Variants in ABCG8 observed in about 807,000 individuals in gnomAD.
ABCG8 encodes the protein ATP-binding cassette sub-family G member 8.
ABCG8 carries 81 observed loss-of-function variants against 71.3 expected under a neutral mutation model. The observed-to-expected ratio is 1.14, with a 90% CI of 0.95 to 1.37. The LOEUF (loss-of-function observed/expected upper bound fraction) is 1.37, where lower values mean the gene tolerates loss of function less well. Among genes scored for constraint, ABCG8 ranks in the 40% most tolerant of loss-of-function variants. ABCG8 has a pLI of 0.00. For synonymous variants in ABCG8, 451 were observed against 354.7 expected (o/e 1.27, Z -3.05); for missense variants, 1,119 against 866.2 (o/e 1.29, Z -3.66).
intron 8 of ABCG8, among the ~76,000 whole-genome samples, chr2:43,872,695 C>T (rs1348260477): frequency 2.0e-5 from 3 of 152,142 alleles, no homozygotes; most frequent in Non-Finnish European, 4.4e-5. Context: ...GGCAGCAGAG[C>T]AAGACCCCAT....
intron 6 of ABCG8, among the ~76,000 whole-genome samples, chr2:43,854,434 C>G (rs902632859): frequency 2.0e-5 from 3 of 152,000 alleles, no homozygotes; most frequent in African/African-American, 7.2e-5. Flanking sequence ...TTGAGACCAG[C>G]CTGGCCAACA....
intron 11 of ABCG8, 77 bp downstream of exon 11, chr2:43,875,490 A>T: frequency 2.6e-6 from 4 of 1,540,420 alleles, no homozygotes; most frequent in Non-Finnish European, 3.5e-6. Context: ...TCATCTGGAG[A>T]TGGACACTTA....
At chr2:43,853,663 C>G (rs926674636) in intron 6 of ABCG8, among the ~76,000 whole-genome samples, 9 of 152,236 alleles carry the variant, frequency 5.9e-5, no homozygotes, top group African/African-American at 1.9e-4. Flanking sequence ...CCCAAACATG[C>G]CAGGCTCAAA....
intron 10 of ABCG8, among the ~76,000 whole-genome samples, chr2:43,874,929 G>A (rs757225921): frequency 1.3e-5 from 2 of 152,090 alleles, no homozygotes; most frequent in Non-Finnish European, 2.9e-5. Context: ...TGCCCTGGGG[G>A]AAACAGGCTG....
intron 6 of ABCG8, among the ~76,000 whole-genome samples, chr2:43,855,305 G>T (rs986367750): frequency 6.6e-6 from 1 of 152,120 alleles, no homozygotes; most frequent in African/African-American, 2.4e-5. Flanking sequence ...TATCGAGATA[G>T]AATACTCACT....
intron 6 of ABCG8, among the ~76,000 whole-genome samples, chr2:43,857,816 C>T (rs982037168): frequency 6.6e-6 from 1 of 151,596 alleles, no homozygotes; most frequent in African/African-American, 2.4e-5. Context: ...CTCTCACTAC[C>T]TGTCTAGATA....
rs201659189 is a variant in ABCG8, at chr2:43,873,831, T to A, written c.1256T>A (p.Ile419Asn). 4.5e-5 allele frequency: 73 copies of A among 1,614,176 alleles called. 1 individual carries two copies. The East Asian group carries it at 1.4e-3, about 32-fold the overall frequency. The change falls in exon 9 of 13, where the codon ATC becomes AAC. Residue 419 changes from isoleucine (I) to asparagine (N), a missense_variant. Physicochemically the swap from Ile to Asn is moderately radical, Grantham distance 149. Transcript: ENST00000272286. ...NDFRDLPTLLIHGAEACLMSM... is the reference protein window; with the variant it reads ...NDFRDLPTLLNHGAEACLMSM... Reference sequence around the variant, plus strand: ...TTCCGAGACCTGCCCACCCTCCTCATCCATGGGGCGGAGGCCTGTCTGATG... The same window carrying A: ...TTCCGAGACCTGCCCACCCTCCTCAACCATGGGGCGGAGGCCTGTCTGATG...
At chr2:43,843,470 C>G (rs1430232712) in intron 1 of ABCG8, among the ~76,000 whole-genome samples, 1 of 152,148 alleles carries the variant, frequency 6.6e-6, no homozygotes, top group Non-Finnish European at 1.5e-5. Flanking sequence ...GGGTGGATCA[C>G]TTGAGCCCAG....
intron 1 of ABCG8, among the ~76,000 whole-genome samples, 164 bp from the exon 2 acceptor site, chr2:43,844,343 C>T (rs1187237375): frequency 2.6e-5 from 4 of 152,162 alleles, no homozygotes; most frequent in African/African-American, 9.7e-5. Flanking sequence ...CTCCTATTTT[C>T]CCAAAGCCCT....
chr2:43,846,458 C>G (rs1027411165), intron 3 of ABCG8, 147 bp downstream of exon 3: 9 of 1,188,750 alleles, frequency 7.6e-6, no homozygotes, highest in Non-Finnish European at 1.1e-5. Context: ...CTGGGTCAGA[C>G]AGACCTGGGC....
At chr2:43,852,309 G>C in intron 4 of ABCG8, 45 bp from the exon 5 acceptor site, 1 of 1,611,462 alleles carries the variant, frequency 6.2e-7, no homozygotes, top group South Asian at 1.1e-5. Flanking sequence ...GTCCAGCCCT[G>C]AAGGAGGCCC....
rs905728574 is a variant in ABCG8, at chr2:43,878,226, G to A, written c.*313G>A. The A allele has an allele frequency of 2.0e-5, 8 of 397,312 alleles. No individual in the cohort carries two copies. Among genetic ancestry groups the A allele is most frequent in the Non-Finnish European group, 3.8e-5 (8 of 207,820 alleles). 24.6% of individuals were successfully genotyped at this position (397,312 alleles called of 1,614,324 possible). ...TATATAGGCAACTCGATATAGGATG[G>A]GAGCAAACTAGGAATGAATTGGGTA... On this transcript the variant is annotated 3_prime_UTR_variant, in exon 13 of 13. Coordinates refer to ENST00000272286, the MANE Select transcript of ABCG8 (RefSeq NM_022437.3).
chr2:43,849,551 G>A (rs1668848460), intron 3 of ABCG8, among the ~76,000 whole-genome samples: 1 of 152,162 alleles, frequency 6.6e-6, no homozygotes, highest in Non-Finnish European at 1.5e-5. Context: ...TGAGATTCGG[G>A]TGGGGACACA....
chr2:43,876,638 G>A (rs543271062), intron 11 of ABCG8, among the ~76,000 whole-genome samples: 70 of 147,810 alleles, frequency 4.7e-4, no homozygotes, highest in African/African-American at 1.7e-3. Flanking sequence ...TGGGGAGACC[G>A]TGAGAATATG....
intron 1 of ABCG8, 76 bp downstream of exon 1, chr2:43,839,192 G>T (rs1668470339): frequency 1.4e-6 from 2 of 1,477,060 alleles, no homozygotes; most frequent in Non-Finnish European, 1.8e-6. Context: ...CTTCCCTCAG[G>T]AGCCTTCTGT....
intron 6 of ABCG8, among the ~76,000 whole-genome samples, chr2:43,868,601 C>T (rs1669619815): frequency 6.6e-6 from 1 of 151,496 alleles, no homozygotes; most frequent in Non-Finnish European, 1.5e-5. Context: ...GAATAATCAT[C>T]GTCTGGATAG....
intron 6 of ABCG8, among the ~76,000 whole-genome samples, chr2:43,871,336 A>T (rs780068792): frequency 3.3e-5 from 5 of 149,768 alleles, no homozygotes; most frequent in Admixed American, 2.7e-4. Flanking sequence ...CTCTGGATAG[A>T]ACTCTCACTA....
intron 6 of ABCG8, among the ~76,000 whole-genome samples, chr2:43,867,515 C>T (rs1432641468): frequency 4.6e-5 from 7 of 152,048 alleles, no homozygotes; most frequent in Admixed American, 3.9e-4. Context: ...CTGTCACTAT[C>T]TGGATAGAAT....
In ABCG8 at chr2:43,871,362, C is replaced by T. The variant is rs777106072; in HGVS notation, c.965-614C>T. Among the ~76,000 whole-genome samples the T allele has an allele frequency of 5.3e-3, 721 of 137,192 alleles. 2 individuals are homozygous for T. The highest frequency in any genetic ancestry group is 0.017 in the Middle Eastern group (4 of 236). The allele number at this position is 137,192 out of a possible 152,430, so 90.0% of individuals were successfully genotyped here. ...ACTCTCACTATCTGGATAGAATGCT[C>T]ACTCTCTGGATAGAACTCTCACTAT... On this transcript the variant is annotated intron_variant, in intron 6 of 12. Transcript: ENST00000272286.
Sources: gnomAD v4.1 joint callset for allele counts (sites outside exome capture counted in the v4.1 genomes callset) on GRCh38, gnomAD v4.1.1 for gene constraint, MANE v1.5 for transcripts, NCBI Gene and HGNC (gene_info 2026-07-23, HGNC 2026-07-21) for gene names.